SPIDR: variants seen among roughly 807,000 people sequenced by gnomAD.
SPIDR encodes scaffold protein involved in DNA repair.
SPIDR carries 93 observed loss-of-function variants against 104.6 expected under a neutral mutation model. The observed-to-expected ratio is 0.89, with a 90% CI of 0.75 to 1.06. The LOEUF is 1.06. Ranked by LOEUF, SPIDR falls within the 50% of genes least tolerant of loss-of-function variation. SPIDR has a pLI of 0.00. For synonymous variants in SPIDR, 431 were observed against 416.9 expected (o/e 1.03, Z -0.41); for missense variants, 1,154 against 1,111.2 (o/e 1.04, Z -0.55).
At chr8:47,513,927 C>A (rs1223101913) in intron 8 of SPIDR, among the ~76,000 whole-genome samples, 6 of 152,132 alleles carry the variant, frequency 3.9e-5, no homozygotes, top group African/African-American at 1.4e-4. Flanking sequence ...CTGTTGTTCT[C>A]TCTGCCTCTT....
chr8:47,379,895 T>C (rs1349850794), intron 5 of SPIDR, among the ~76,000 whole-genome samples: 2 of 152,212 alleles, frequency 1.3e-5, no homozygotes, highest in African/African-American at 4.8e-5. Context: ...CTTTTGCTTT[T>C]CTTTATTGCT....
chr8:47,316,847 A>G (rs1477174050), intron 5 of SPIDR, among the ~76,000 whole-genome samples: 1 of 152,244 alleles, frequency 6.6e-6, no homozygotes, highest in East Asian at 1.9e-4. Context: ...TACTGAAAAA[A>G]GTAAATACAT....
chr8:47,519,164 G>A (rs2083624018), intron 8 of SPIDR, among the ~76,000 whole-genome samples: 1 of 151,136 alleles, frequency 6.6e-6, no homozygotes, highest in Non-Finnish European at 1.5e-5. Context: ...TTGTTTTGGA[G>A]ACAGAGTTTC....
At chr8:47,311,933 T>C (rs1554585513) in intron 5 of SPIDR, among the ~76,000 whole-genome samples, 1 of 152,118 alleles carries the variant, frequency 6.6e-6, no homozygotes, top group Non-Finnish European at 1.5e-5. Context: ...AGTGTTCTCA[T>C]TGTTCAGTTC....
At chr8:47,396,185 C>T (rs923714684) in intron 5 of SPIDR, among the ~76,000 whole-genome samples, 191 bp from the exon 6 acceptor site, 5 of 152,082 alleles carry the variant, frequency 3.3e-5, no homozygotes, top group Non-Finnish European at 7.4e-5. Context: ...TGATTTAACC[C>T]CTTCTTATCT....
Position 47,442,598 on chromosome 8 carries a change from TC to T in SPIDR, c.1097+2057del, listed in dbSNP as rs1554698055. On this transcript the variant is annotated intron_variant, in intron 8 of 19. Transcript: ENST00000297423. The stretch of plus-strand genomic sequence containing the variant: ...TTACCTTGAACCTGTCTTCCCTCCT[TC>T]AGAAATCTGTCCTCATTTGGATCTT... Among the ~76,000 whole-genome samples the T allele has an allele frequency of 2.0e-5, 3 of 152,202 alleles. No individual in the cohort carries two copies. In the South Asian group the frequency reaches 6.2e-4, roughly 31 times the overall value.
At chr8:47,486,798 G>A (rs1185292764) in intron 8 of SPIDR, among the ~76,000 whole-genome samples, 1 of 152,160 alleles carries the variant, frequency 6.6e-6, no homozygotes, top group Non-Finnish European at 1.5e-5. Context: ...ACAAGCAAAT[G>A]CTGAGAGATT....
intron 5 of SPIDR, among the ~76,000 whole-genome samples, chr8:47,310,034 A>G (rs1217779798): frequency 6.9e-6 from 1 of 144,098 alleles, no homozygotes; most frequent in Non-Finnish European, 1.5e-5. Context: ...CTCTGTCTCA[A>G]AAAACAAAGT....
rs1011273802 is a variant in SPIDR, at chr8:47,729,779, C to T, written c.2604+314C>T. On this transcript the variant is annotated intron_variant, in intron 19 of 19. Coordinates refer to ENST00000297423, the MANE Select transcript of SPIDR (RefSeq NM_001080394.4). ...CTCTGTCCAGGCTAGAGCACAGTGG[C>T]GTGATCTCAGCTCACTGCAACCTCC... The T allele has an allele frequency of 6.7e-5, 19 of 283,494 alleles. 1 individual carries two copies. Among genetic ancestry groups the T allele is most frequent in the Admixed American group, 6.1e-4 (12 of 19,708 alleles). The allele number at this position is 283,494 out of a possible 1,614,324, so 17.6% of individuals were successfully genotyped here.
chr8:47,636,732 C>T (rs1391388562), intron 10 of SPIDR, among the ~76,000 whole-genome samples: 1 of 151,474 alleles, frequency 6.6e-6, no homozygotes, highest in Non-Finnish European at 1.5e-5. Flanking sequence ...GGAAGGATCA[C>T]TTGAGCCTGG....
intron 8 of SPIDR, among the ~76,000 whole-genome samples, chr8:47,516,143 G>A (rs1234801937): frequency 6.6e-6 from 1 of 152,098 alleles, no homozygotes. Context: ...GTCTGCCTTC[G>A]TTGCCCAGGC....
chr8:47,369,497 A>C (rs1371049436), intron 5 of SPIDR, among the ~76,000 whole-genome samples: 1 of 152,192 alleles, frequency 6.6e-6, no homozygotes, highest in African/African-American at 2.4e-5. Flanking sequence ...TGTAGGAACA[A>C]CTTCCTGCTG....
chr8:47,596,419 A>G (rs1260238079), intron 9 of SPIDR, among the ~76,000 whole-genome samples: 2 of 152,206 alleles, frequency 1.3e-5, no homozygotes, highest in Non-Finnish European at 2.9e-5. Context: ...CTAGGCTACA[A>G]ACCTGCATGG....
chr8:47,571,683 A>G (rs1035787815), intron 8 of SPIDR, among the ~76,000 whole-genome samples: 5 of 152,234 alleles, frequency 3.3e-5, no homozygotes, highest in African/African-American at 1.2e-4. Context: ...CAGTGGATAC[A>G]TAGTACTCAA....
At chr8:47,552,520 A>G (rs2090679895) in intron 8 of SPIDR, among the ~76,000 whole-genome samples, 1 of 152,132 alleles carries the variant, frequency 6.6e-6, no homozygotes, top group Admixed American at 6.6e-5. Flanking sequence ...CTTTACCATT[A>G]TGTAATGGCC....
At chr8:47,303,618 A>G (rs1486266251) in intron 5 of SPIDR, among the ~76,000 whole-genome samples, 1 of 152,146 alleles carries the variant, frequency 6.6e-6, no homozygotes, top group Non-Finnish European at 1.5e-5. Context: ...AGGTGATCAT[A>G]TGGATTTTGT....
intron 8 of SPIDR, among the ~76,000 whole-genome samples, chr8:47,545,701 G>T (rs1447718173): frequency 6.6e-6 from 1 of 151,932 alleles, no homozygotes; most frequent in Non-Finnish European, 1.5e-5. Context: ...AGACATTCTG[G>T]CTTGTTCCTA....
At chr8:47,375,048 T>A (rs1554641458) in intron 5 of SPIDR, among the ~76,000 whole-genome samples, 1 of 151,320 alleles carries the variant, frequency 6.6e-6, no homozygotes, top group East Asian at 2.0e-4. Flanking sequence ...GAGCAAGACT[T>A]GGTCCACCTC....
chr8:47,694,083 G>A (rs980187443), intron 11 of SPIDR, among the ~76,000 whole-genome samples: 3 of 152,150 alleles, frequency 2.0e-5, no homozygotes, highest in African/African-American at 7.2e-5. Flanking sequence ...TGTCGAGTGT[G>A]GAGCCACAGG....
Sources: allele counts gnomAD v4.1 joint callset (sites outside exome capture counted in the v4.1 genomes callset), GRCh38; gene constraint gnomAD v4.1.1; transcripts MANE v1.5; gene names NCBI Gene and HGNC (gene_info 2026-07-23, HGNC 2026-07-21).